Variants in MYO3B observed in about 807,000 individuals in gnomAD.
MYO3B encodes the protein myosin IIIB, also known as myosin-IIIb.
Under a neutral mutation model 174.6 loss-of-function variants are expected in MYO3B, and 156 were observed. That is an observed-to-expected ratio of 0.89 (90% CI 0.78 to 1.02). The LOEUF (loss-of-function observed/expected upper bound fraction) is 1.02, where lower values mean the gene tolerates loss of function less well. Ranked by LOEUF, MYO3B falls within the 50% of genes least tolerant of loss-of-function variation. MYO3B has a pLI of 0.00. For missense variants in MYO3B, 1,632 were observed against 1,639.4 expected (o/e 1.00, Z 0.08); for synonymous variants, 563 against 569.1 (o/e 0.99, Z 0.15).
At chr2:170,229,833 A>T (rs1337673363) in intron 6 of MYO3B, among the ~76,000 whole-genome samples, 16 of 152,196 alleles carry the variant, frequency 1.1e-4, no homozygotes, top group Non-Finnish European at 2.2e-4. Context: ...GTTCTTATAC[A>T]CCAAGTCTTT....
intron 1 of MYO3B, among the ~76,000 whole-genome samples, chr2:170,183,919 G>A (rs1481902671): frequency 1.3e-5 from 2 of 151,960 alleles, no homozygotes; most frequent in East Asian, 3.9e-4. Context: ...GATTCATTTT[G>A]GATTTCCATT....
chr2:170,652,008 A>G (rs1699044958), intron 33 of MYO3B, 100 bp from the exon 34 acceptor site: 15 of 1,274,396 alleles, frequency 1.2e-5, no homozygotes, highest in Non-Finnish European at 1.7e-5. Flanking sequence ...GACTTCTGAT[A>G]TTATCAGCAT....
chr2:170,311,320 G>A (rs185500621), intron 7 of MYO3B, among the ~76,000 whole-genome samples: 318 of 152,100 alleles, frequency 2.1e-3, no homozygotes, highest in African/African-American at 7.4e-3. Flanking sequence ...TGGGTGTAAA[G>A]CGATACTCCT....
intron 8 of MYO3B, among the ~76,000 whole-genome samples, chr2:170,336,501 A>T (rs937458832): frequency 8.5e-5 from 13 of 152,192 alleles, no homozygotes; most frequent in African/African-American, 3.1e-4. Context: ...AAGAGCTCCG[A>T]AAGATAAAAG....
At chr2:170,270,848 CTG>C (rs1317439308) in intron 7 of MYO3B, among the ~76,000 whole-genome samples, 1 of 152,136 alleles carries the variant, frequency 6.6e-6, no homozygotes. Context: ...GCCCTTTTCA[CTG>C]TGTGTTTCAT....
At chr2:170,247,764 T>C (rs558925188) in intron 7 of MYO3B, among the ~76,000 whole-genome samples, 2 of 152,222 alleles carry the variant, frequency 1.3e-5, no homozygotes, top group Non-Finnish European at 2.9e-5. Context: ...GCCTCTTTTA[T>C]GAAGGTACTA....
chr2:170,269,248 A>G (rs889850972), intron 7 of MYO3B, among the ~76,000 whole-genome samples: 6 of 152,204 alleles, frequency 3.9e-5, no homozygotes, highest in African/African-American at 1.4e-4. Flanking sequence ...GTAGCCTAGG[A>G]AAACAATCTG....
intron 30 of MYO3B, chr2:170,520,051 C>G (rs1688577040): frequency 6.5e-6 from 1 of 152,696 alleles, no homozygotes; most frequent in Non-Finnish European, 1.5e-5. Context: ...TGAACACAAC[C>G]CTACTTTTTG....
At chr2:170,479,050 G>A (rs1361200882) in intron 25 of MYO3B, among the ~76,000 whole-genome samples, 4 of 150,294 alleles carry the variant, frequency 2.7e-5, no homozygotes, top group African/African-American at 9.7e-5. Context: ...TTGGGAGGCC[G>A]AGGCGGGTGG....
Position 170,401,504 on chromosome 2 carries a change from C to T in MYO3B, c.1942C>T (p.Pro648Ser), listed in dbSNP as rs2094475574. 6.2e-7 allele frequency: 1 copy of T among 1,614,010 alleles called. No homozygotes were observed. The highest frequency in any genetic ancestry group is 1.7e-5 in the Admixed American group (1 of 60,026). The change falls in exon 18 of 35, where the codon CCT becomes TCT. Residue 648 changes from proline to serine, a missense_variant. Physicochemically the swap from Pro to Ser is moderately conservative, Grantham distance 74 (BLOSUM62 -1). Coordinates refer to ENST00000408978, the MANE Select transcript of MYO3B (RefSeq NM_138995.5). Reference protein sequence around the residue: ...QNAASVLCISPEELQEALTSH... With the variant: ...QNAASVLCISSEELQEALTSH... The stretch of plus-strand genomic sequence containing the variant: ...AGCTGCCTCTGTTCTGTGCATTAGC[C>T]CTGAAGAGCTCCAGGAGGCCCTCAC...
At chr2:170,489,242 T>G (rs1046049172) in intron 25 of MYO3B, among the ~76,000 whole-genome samples, 1 of 152,072 alleles carries the variant, frequency 6.6e-6, no homozygotes, top group Admixed American at 6.6e-5. Flanking sequence ...GATTTTAAGT[T>G]CCCCCTCAGG....
rs375808241 is a variant in MYO3B, at chr2:170,415,833, C to T, written c.2650+7989C>T. On this transcript the variant is annotated intron_variant, in intron 22 of 34. Transcript: ENST00000408978. ...ATCCTGTAGGTATTTCTCATGTCTT[C>T]TGCATATCTGTTTATTCCTCTTGAT... Among the ~76,000 whole-genome samples, 120 of 152,294 alleles carry T rather than the reference C, an allele frequency of 7.9e-4. 1 individual carries two copies. In the South Asian group the frequency reaches 0.024, roughly 31 times the overall value.
intron 32 of MYO3B, among the ~76,000 whole-genome samples, chr2:170,634,712 T>C (rs1459595679): frequency 6.6e-6 from 1 of 152,198 alleles, no homozygotes; most frequent in Admixed American, 6.6e-5. Context: ...ATTTTTGCAA[T>C]CTACCCATCT....
chr2:170,578,158 C>CGT, intron 32 of MYO3B, among the ~76,000 whole-genome samples: 1 of 152,318 alleles, frequency 6.6e-6, no homozygotes, highest in South Asian at 2.1e-4. Context: ...GTAGAAGGGG[C>CGT]ATATGCTCTC....
chr2:170,195,549 T>C (rs1324482064), intron 1 of MYO3B, among the ~76,000 whole-genome samples: 3 of 152,142 alleles, frequency 2.0e-5, no homozygotes, highest in African/African-American at 7.2e-5. Flanking sequence ...CTCAAGTCTG[T>C]GTGACCTGAT....
chr2:170,194,680 A>G (rs2092578871), intron 1 of MYO3B, among the ~76,000 whole-genome samples: 1 of 152,154 alleles, frequency 6.6e-6, no homozygotes, highest in Non-Finnish European at 1.5e-5. Flanking sequence ...GGACAGAACT[A>G]ATAGGATATA....
At chr2:170,330,573 T>G (rs2093904697) in intron 7 of MYO3B, among the ~76,000 whole-genome samples, 1 of 152,222 alleles carries the variant, frequency 6.6e-6, no homozygotes, top group Admixed American at 6.5e-5. Flanking sequence ...TGAAGCTTTG[T>G]GATAGTAAGC....
chr2:170,456,612 T>G (rs1683923147), intron 23 of MYO3B, among the ~76,000 whole-genome samples: 1 of 152,248 alleles, frequency 6.6e-6, no homozygotes, highest in Non-Finnish European at 1.5e-5. Flanking sequence ...AAGATCTCCT[T>G]GCTGAGTTGC....
At chr2:170,449,163 C>T (rs1424256438) in intron 23 of MYO3B, among the ~76,000 whole-genome samples, 2 of 152,164 alleles carry the variant, frequency 1.3e-5, no homozygotes, top group African/African-American at 4.8e-5. Flanking sequence ...ATCAGGAACC[C>T]AGTACACGGA....
Sources: gnomAD v4.1 joint callset for allele counts (sites outside exome capture counted in the v4.1 genomes callset) on GRCh38, gnomAD v4.1.1 for gene constraint, MANE v1.5 for transcripts, NCBI Gene and HGNC (gene_info 2026-07-23, HGNC 2026-07-21) for gene names.